The following JAML variants were observed in gnomAD, a reference collection of about 807,000 sequenced individuals.
JAML encodes junction adhesion molecule like, also known as junctional adhesion molecule-like.
In JAML, 25 loss-of-function variants were observed where a neutral mutation model predicts 39.3. The observed-to-expected ratio is 0.64, with a 90% CI of 0.46 to 0.89. The LOEUF (loss-of-function observed/expected upper bound fraction) is 0.89, where lower values mean the gene tolerates loss of function less well. Among genes scored for constraint, JAML ranks in the 40% least tolerant of loss-of-function variants. The pLI, the probability that JAML is intolerant of heterozygous loss-of-function variation, is 0.00. For synonymous variants in JAML, 162 were observed against 179.2 expected (o/e 0.90, Z 0.77); for missense variants, 440 against 486.9 (o/e 0.90, Z 0.91).
At chr11:118,200,807 A>G (rs1948777083) in intron 6 of JAML, 195 bp from the exon 7 acceptor site, 1 of 549,928 alleles carries the variant, frequency 1.8e-6, no homozygotes, top group Admixed American at 3.2e-5. Context: ...GTTTACCCTA[A>G]AATGTAGATT....
intron 8 of JAML, chr11:118,197,378 G>GT (rs891343464): frequency 6.6e-6 from 1 of 152,340 alleles, no homozygotes; most frequent in African/African-American, 2.4e-5. Context: ...TATTCAAAGA[G>GT]TTTTTTTAAA....
intron 6 of JAML, chr11:118,202,655 C>T: frequency 3.6e-6 from 1 of 281,384 alleles, no homozygotes; most frequent in South Asian, 3.4e-5. Flanking sequence ...CACAGACCTG[C>T]CGTGCTCCCC....
At chr11:118,220,402 G>A (rs527544073) in intron 1 of JAML, among the ~76,000 whole-genome samples, 2 of 152,160 alleles carry the variant, frequency 1.3e-5, no homozygotes, top group Non-Finnish European at 2.9e-5. Flanking sequence ...TGTCCCCAGC[G>A]GACATTAGCC....
chr11:118,194,507 GAGCC>G, intron 9 of JAML, 90 bp from the exon 10 acceptor site: 1 of 1,049,208 alleles, frequency 9.5e-7, no homozygotes, highest in Non-Finnish European at 1.5e-6. Flanking sequence ...CTCTTCTCAT[GAGCC>G]CGGCCCAGTA....
At chr11:118,217,467 G>A (rs549201829) in intron 1 of JAML, among the ~76,000 whole-genome samples, 3 of 152,336 alleles carry the variant, frequency 2.0e-5, no homozygotes, top group South Asian at 2.1e-4. Context: ...CTAGAACTCC[G>A]TGAAGACAGA....
At chr11:118,197,594 T>G (rs912770029) in intron 8 of JAML, 4 of 169,330 alleles carry the variant, frequency 2.4e-5, no homozygotes, top group Non-Finnish European at 5.1e-5. Context: ...CATTAGACTT[T>G]AGACAAATAG....
At position 118,194,372 on chromosome 11, in the gene JAML, CAAGT is replaced by C. The variant is rs893410443; in HGVS notation, c.1134_1137del (p.Leu379LysfsTer81). On this transcript the variant is annotated frameshift_variant, in exon 10 of 10. Transcript: ENST00000356289. LOFTEE classifies it low-confidence loss of function (END_TRUNC). ...GGCATTCCCCCACCTGACTTTTTTT[CAAGT>C]GAGTTGTTCCGATCTGACCTCAGAG... The C allele has an allele frequency of 1.7e-5, 27 of 1,614,086 alleles. No individual in the cohort carries two copies. The Admixed American group carries it at 3.5e-4, about 21-fold the overall frequency.
At chr11:118,212,672 T>A (rs1460236115) in intron 2 of JAML, 111 bp from the exon 3 acceptor site, 2 of 1,516,724 alleles carry the variant, frequency 1.3e-6, no homozygotes, top group Non-Finnish European at 1.8e-6. Flanking sequence ...TGATCCAACA[T>A]AGACAAAGTC....
At chr11:118,200,377 T>A (rs1948756944) in intron 7 of JAML, 97 bp downstream of exon 7, 1 of 1,412,336 alleles carries the variant, frequency 7.1e-7, no homozygotes, top group East Asian at 2.3e-5. Context: ...TCTGTGAGAA[T>A]GGCATAAGTA....
chr11:118,218,656 A>G (rs1859107719), intron 1 of JAML, among the ~76,000 whole-genome samples: 1 of 152,194 alleles, frequency 6.6e-6, no homozygotes, highest in African/African-American at 2.4e-5. Flanking sequence ...ACACTATTCA[A>G]GTTTGAATTT....
intron 2 of JAML, chr11:118,213,317 A>T (rs1254457293): frequency 9.6e-7 from 1 of 1,038,780 alleles, no homozygotes; most frequent in African/African-American, 1.7e-5. Flanking sequence ...AGAAAGATAC[A>T]TTTAGATGCT....
intron 3 of JAML, 129 bp from the exon 4 acceptor site, chr11:118,210,841 C>A (rs1276732223): frequency 2.7e-6 from 2 of 728,306 alleles, no homozygotes; most frequent in Non-Finnish European, 4.5e-6. Context: ...CATTTGGTAC[C>A]CAGTTAATAA....
intron 7 of JAML, among the ~76,000 whole-genome samples, chr11:118,198,692 A>AAT (rs1948713843): frequency 6.6e-6 from 1 of 151,444 alleles, no homozygotes; most frequent in African/African-American, 2.4e-5. Flanking sequence ...AAAAAAAAAA[A>AAT]TTCAAGGTTT....
intron 5 of JAML, chr11:118,204,196 T>C (rs1218702143): frequency 6.1e-6 from 1 of 165,200 alleles, no homozygotes; most frequent in Non-Finnish European, 1.3e-5. Context: ...ACCTTCAAAA[T>C]ATATCCCCAA....
intron 5 of JAML, chr11:118,205,655 T>C: frequency 7.5e-6 from 4 of 530,224 alleles, no homozygotes; most frequent in Non-Finnish European, 1.4e-5. Context: ...ATGTACAATC[T>C]CATATCGGCA....
intron 2 of JAML, 143 bp from the exon 3 acceptor site, chr11:118,212,704 A>C: frequency 1.3e-6 from 2 of 1,503,570 alleles, no homozygotes; most frequent in Non-Finnish European, 8.9e-7. Context: ...GTTCAAAGGC[A>C]GCATGGCATC....
At chr11:118,202,786 C>T (rs1948835012) in intron 6 of JAML, 12 of 377,160 alleles carry the variant, frequency 3.2e-5, no homozygotes, top group South Asian at 2.4e-4. Flanking sequence ...CCTGAAGGCC[C>T]TAGCGACAGG....
At chr11:118,203,234 G>T in intron 6 of JAML, 194 bp downstream of exon 6, 1 of 720,788 alleles carries the variant, frequency 1.4e-6, no homozygotes, top group East Asian at 2.6e-5. Context: ...GAACTAGGGT[G>T]AGGCAAGCCA....
intron 9 of JAML, 131 bp from the exon 10 acceptor site, chr11:118,194,548 T>A: frequency 1.4e-6 from 1 of 705,580 alleles, no homozygotes; most frequent in Non-Finnish European, 2.5e-6. Context: ...TTATCTCATG[T>A]GATCCTTACC....
Sources: gnomAD v4.1 joint callset for allele counts (sites outside exome capture counted in the v4.1 genomes callset) on GRCh38, gnomAD v4.1.1 for gene constraint, MANE v1.5 for transcripts, NCBI Gene and HGNC (gene_info 2026-07-23, HGNC 2026-07-21) for gene names.